Variants in BPTF observed in about 807,000 individuals in gnomAD.
The protein encoded by BPTF is nucleosome-remodeling factor subunit BPTF.
In BPTF, 18 loss-of-function variants were observed where a neutral mutation model predicts 292.5. That is an observed-to-expected ratio of 0.06 (90% CI 0.04 to 0.09). BPTF has a LOEUF of 0.09. BPTF is among the 10% of genes least tolerant of loss of function. The pLI is 1.00. For missense variants in BPTF, 2,726 were observed against 3,498.7 expected (o/e 0.78, Z 5.57); for synonymous variants, 1,225 against 1,251.9 (o/e 0.98, Z 0.45).
intron 16 of BPTF, 193 bp from the exon 17 acceptor site, chr17:67,929,143 A>C: frequency 2.2e-6 from 3 of 1,359,718 alleles, no homozygotes; most frequent in Non-Finnish European, 2.8e-6. Context: ...TGAAGTTTTA[A>C]TTCACATTTG....
In BPTF at chr17:67,826,195, T is replaced by G. The variant is rs372372873; in HGVS notation, c.471T>G (p.Asp157Glu). ...ACGGCGACGCCGAGGAGACCCAGGA[T>G]TCTGAGGACGACGAGGAGGATGAGA... ...EEDGDAEETQ[D>E]SEDDEEDEME... The change falls in exon 1 of 28, where the codon GAT becomes GAG. Residue 157 changes from aspartate (D) to glutamate (E), a missense_variant. Transcript: ENST00000306378. 32 of 1,610,922 alleles carry G rather than the reference T, an allele frequency of 2.0e-5. No homozygotes were observed. The highest frequency in any genetic ancestry group is 2.7e-5 in the Non-Finnish European group (32 of 1,177,432).
rs1555693641 is a variant in BPTF, at chr17:67,975,875, T to C, written c.8643T>C (p.Asn2881=). Residue 2881 remains asparagine (N), a synonymous_variant, in exon 27 of 28, where the codon AAT becomes AAC. Transcript: ENST00000306378. The part of the protein sequence containing the change: ...TKIFDNCRYY[N]PSDSPFYQCA... ...TTTTTGATAACTGTCGTTACTACAATCCAAGTGACTCCCCATTTTACCAGT... is the reference window on the plus strand; with the variant it reads ...TTTTTGATAACTGTCGTTACTACAACCCAAGTGACTCCCCATTTTACCAGT... The C allele has an allele frequency of 6.2e-7, 1 of 1,614,012 alleles. No individual in the cohort carries two copies. The highest frequency in any genetic ancestry group is 8.5e-7 in the Non-Finnish European group (1 of 1,179,978).
At chr17:67,845,404 A>C (rs1316172540) in intron 1 of BPTF, among the ~76,000 whole-genome samples, 1 of 152,200 alleles carries the variant, frequency 6.6e-6, no homozygotes, top group Non-Finnish European at 1.5e-5. Context: ...TGGCATTTGA[A>C]GACATCTCCC....
rs1175356260 is a variant in BPTF at position 67,937,474 on chromosome 17, T to C, written c.6260-2965T>C. ...ATTTGGGAATGATTTGCAGGGAGGG[T>C]TGAAATTTTAGGAAGGATGGCCTGA... On this transcript the variant is annotated intron_variant, in intron 18 of 27. Coordinates refer to ENST00000306378, the MANE Select transcript of BPTF (RefSeq NM_182641.4). Among the ~76,000 whole-genome samples the C allele has an allele frequency of 9.2e-4, 140 of 151,896 alleles. 4 individuals are homozygous for C. Among genetic ancestry groups the C allele is most frequent in the East Asian group, 1.9e-4 (1 of 5,178 alleles).
intron 23 of BPTF, among the ~76,000 whole-genome samples, chr17:67,958,103 A>G (rs1456149845): frequency 5.9e-5 from 9 of 152,190 alleles, no homozygotes; most frequent in Admixed American, 5.2e-4. Context: ...AGGCCGAGGC[A>G]GGTCACTTGA....
intron 17 of BPTF, among the ~76,000 whole-genome samples, chr17:67,930,995 G>A (rs892877721): frequency 6.6e-5 from 10 of 151,550 alleles, no homozygotes; most frequent in East Asian, 5.8e-4. Flanking sequence ...GGCCGGATGC[G>A]GTGGCTCACA....
At chr17:67,897,958 T>C (rs1418174135) in intron 7 of BPTF, among the ~76,000 whole-genome samples, 1 of 152,120 alleles carries the variant, frequency 6.6e-6, no homozygotes, top group Non-Finnish European at 1.5e-5. Flanking sequence ...TCTGAAAATA[T>C]TGGTATGCAG....
chr17:67,845,300 T>C (rs1223900965), intron 1 of BPTF, among the ~76,000 whole-genome samples: 1 of 152,204 alleles, frequency 6.6e-6, no homozygotes, highest in Non-Finnish European at 1.5e-5. Flanking sequence ...CACCCAGTAG[T>C]TTTAGGATCT....
At chr17:67,929,594 C>T in intron 17 of BPTF, 107 bp downstream of exon 17, 1 of 1,329,172 alleles carries the variant, frequency 7.5e-7, no homozygotes, top group Non-Finnish European at 1.0e-6. Context: ...TTGCCTATTA[C>T]TGAATCTGTG....
chr17:67,885,181 A>G (rs984684778), intron 4 of BPTF, among the ~76,000 whole-genome samples: 1 of 152,142 alleles, frequency 6.6e-6, no homozygotes, highest in Non-Finnish European at 1.5e-5. Flanking sequence ...GGAGACTTTT[A>G]ATTTCTGAAC....
chr17:67,848,631 C>T (rs554474786), intron 1 of BPTF, among the ~76,000 whole-genome samples: 1 of 152,258 alleles, frequency 6.6e-6, no homozygotes, highest in African/African-American at 2.4e-5. Context: ...CAGATTATGA[C>T]TACAGTGCGT....
At chr17:67,860,908 A>G (rs550699908) in intron 2 of BPTF, among the ~76,000 whole-genome samples, 2 of 152,204 alleles carry the variant, frequency 1.3e-5, no homozygotes, top group African/African-American at 4.8e-5. Flanking sequence ...CAACTAAACT[A>G]TGCTTTTAAA....
intron 4 of BPTF, among the ~76,000 whole-genome samples, chr17:67,890,463 A>AC (rs1174011998): frequency 1.3e-5 from 2 of 152,166 alleles, no homozygotes; most frequent in African/African-American, 2.4e-5. Flanking sequence ...AAAAGCAAAG[A>AC]CCCCTTCTCC....
At chr17:67,930,034 T>G (rs2147480593) in intron 17 of BPTF, among the ~76,000 whole-genome samples, 1 of 150,900 alleles carries the variant, frequency 6.6e-6, no homozygotes, top group East Asian at 2.0e-4. Flanking sequence ...GAGGATGGCT[T>G]GAGCCTGGGA....
intron 23 of BPTF, chr17:67,955,410 G>T (rs2066835146): frequency 1.3e-5 from 2 of 150,712 alleles, no homozygotes; most frequent in Admixed American, 1.3e-4. Flanking sequence ...AGGTACAAAT[G>T]GACCTTATCT....
At chr17:67,967,204 C>T (rs776241307) in intron 26 of BPTF, among the ~76,000 whole-genome samples, 12 of 149,722 alleles carry the variant, frequency 8.0e-5, no homozygotes, top group Admixed American at 1.3e-4. Context: ...TGTACTAGCG[C>T]GATCTCACAT....
intron 1 of BPTF, among the ~76,000 whole-genome samples, chr17:67,850,861 G>A (rs79091930): frequency 2.3e-3 from 347 of 152,240 alleles, no homozygotes; most frequent in Non-Finnish European, 3.5e-3. Flanking sequence ...GCATTGTTCT[G>A]TGTGGGAAAC....
intron 19 of BPTF, among the ~76,000 whole-genome samples, chr17:67,941,191 C>T (rs1018364164): frequency 1.3e-5 from 2 of 152,198 alleles, no homozygotes; most frequent in Non-Finnish European, 2.9e-5. Context: ...TGGCTTGCGC[C>T]TGTAATCCCA....
At chr17:67,843,472 C>T (rs778011356) in intron 1 of BPTF, among the ~76,000 whole-genome samples, 16 of 150,066 alleles carry the variant, frequency 1.1e-4, no homozygotes, top group Non-Finnish European at 2.2e-4. Flanking sequence ...TCTCAAAGTG[C>T]TGGGATTATA....
Sources: allele counts gnomAD v4.1 joint callset (sites outside exome capture counted in the v4.1 genomes callset), GRCh38; gene constraint gnomAD v4.1.1; transcripts MANE v1.5; gene names NCBI Gene and HGNC (gene_info 2026-07-23, HGNC 2026-07-21).